Variants in NEMP2 observed in about 807,000 individuals in gnomAD.
NEMP2 encodes nuclear envelope integral membrane protein 2.
Under a neutral mutation model 54.2 loss-of-function variants are expected in NEMP2, and 53 were observed. The observed-to-expected ratio is 0.98, with a 90% CI of 0.78 to 1.23. NEMP2 has a LOEUF of 1.23. NEMP2 is among the 50% of genes most tolerant of loss of function. The pLI is 0.00. For missense variants in NEMP2, 455 were observed against 511.3 expected, an observed-to-expected ratio of 0.89 and a Z score of 1.06; for synonymous variants, 197 against 190.3, an observed-to-expected ratio of 1.04 and a Z score of -0.29.
Position 190,534,663 on chromosome 2 carries a change from G to A in NEMP2, c.-8C>T. ...CCCTTGGCGCGGCCCCATTTCGTTAGGGGTCAGCTCCGTGCGACCCGAGCC... is the reference window on the plus strand; with the variant it reads ...CCCTTGGCGCGGCCCCATTTCGTTAAGGGTCAGCTCCGTGCGACCCGAGCC... On this transcript the variant is annotated 5_prime_UTR_variant, in exon 1 of 9. Coordinates refer to ENST00000409150, the MANE Select transcript of NEMP2 (RefSeq NM_001142645.2). The A allele has an allele frequency of 1.5e-6, 2 of 1,310,642 alleles. No individual in the cohort carries two copies. The highest frequency in any genetic ancestry group is 1.9e-6 in the Non-Finnish European group (2 of 1,032,592). 81.2% of individuals were successfully genotyped at this position (1,310,642 alleles called of 1,614,324 possible).
the NEMP2 span, among the ~76,000 whole-genome samples, chr2:190,645,009 AAAATTATGAACAC>A: frequency 1.3e-5 from 2 of 152,236 alleles, no homozygotes; most frequent in Admixed American, 1.3e-4. Flanking sequence ...AACACGGATT[AAAATTATGAACAC>A]GCCTGTAAAA....
At chr2:190,596,149 C>T in the NEMP2 span, among the ~76,000 whole-genome samples, 1 of 152,000 alleles carries the variant, frequency 6.6e-6, no homozygotes, top group Non-Finnish European at 1.5e-5. This position sits in a 1 kb window ranked among gnomAD's most constrained non-coding sequence, Gnocchi z 5.1. Context: ...TGACACAGGA[C>T]AAGAAAACCA....
chr2:190,608,874 TA>T, the NEMP2 span: 1 of 152,166 alleles, frequency 6.6e-6, no homozygotes, highest in Non-Finnish European at 1.5e-5. The surrounding 1 kb of genome is among the most constrained non-coding windows in gnomAD (Gnocchi z 4.9). Flanking sequence ...TGAACCTTAT[TA>T]AAAAAATTTT....
At chr2:190,554,366 G>A in the NEMP2 span, among the ~76,000 whole-genome samples, 2 of 152,174 alleles carry the variant, frequency 1.3e-5, no homozygotes, top group African/African-American at 4.8e-5. This position sits in a 1 kb window ranked among gnomAD's most constrained non-coding sequence, Gnocchi z 5.7. Context: ...GGCTCTGCAG[G>A]TCCCACCCCC....
the NEMP2 span, among the ~76,000 whole-genome samples, chr2:190,483,984 T>A: frequency 6.6e-6 from 1 of 152,146 alleles, no homozygotes; most frequent in African/African-American, 2.4e-5. Flanking sequence ...TTACTGTGCC[T>A]CAAAGCCAAT....
the NEMP2 span, among the ~76,000 whole-genome samples, chr2:190,586,375 T>C: frequency 6.6e-6 from 1 of 152,176 alleles, no homozygotes; most frequent in African/African-American, 2.4e-5. The surrounding 1 kb of genome is among the most constrained non-coding windows in gnomAD (Gnocchi z 4.5). Context: ...TTGTAAACAT[T>C]TGCAAGACCT....
chr2:190,525,120 G>A lies in NEMP2; in HGVS notation c.213+143C>T. ...CTGCTCACCCATTGAACCACTGTGT[G>A]TGATCCTCAAGTCAGCTTTCATAGT... On this transcript the variant is annotated intron_variant, in intron 2 of 8. Transcript: ENST00000409150. This position sits in a 1 kb window ranked among gnomAD's most constrained non-coding sequence, Gnocchi z 5.0. The A allele has an allele frequency of 3.6e-6, 2 of 549,476 alleles. No individual in the cohort carries two copies. The highest frequency in any genetic ancestry group is 3.3e-5 in the Admixed American group (1 of 30,426). 34.0% of individuals were successfully genotyped at this position (549,476 alleles called of 1,614,324 possible).
chr2:190,455,023 G>C, the NEMP2 span, among the ~76,000 whole-genome samples: 1 of 139,824 alleles, frequency 7.2e-6, no homozygotes, highest in Non-Finnish European at 1.5e-5. Flanking sequence ...ATGTATATGT[G>C]TGTTGGTAAG....
At chr2:190,532,306 A>T (rs1028313906) in intron 1 of NEMP2, among the ~76,000 whole-genome samples, 1 of 152,246 alleles carries the variant, frequency 6.6e-6, no homozygotes, top group Non-Finnish European at 1.5e-5. Flanking sequence ...TTTCTCCAAG[A>T]ATATGAGAAT....
At chr2:190,619,325 C>T in the NEMP2 span, among the ~76,000 whole-genome samples, 1 of 149,722 alleles carries the variant, frequency 6.7e-6, no homozygotes, top group South Asian at 2.1e-4. The surrounding 1 kb of genome is among the most constrained non-coding windows in gnomAD (Gnocchi z 5.5). Flanking sequence ...TATGGAGACA[C>T]CTGTCTCCAC....
the NEMP2 span, chr2:190,641,134 T>TTC: frequency 0.072 from 10,932 of 152,246 alleles, 600 homozygotes; most frequent in African/African-American, 0.14. Flanking sequence ...CCATTTTTTT[T>TTC]AGGGGAGCCC....
At position 190,510,593 on chromosome 2, in the gene NEMP2, CA is replaced by C; in HGVS notation, c.954-57del. On this transcript the variant is annotated intron_variant, in intron 7 of 8. Transcript: ENST00000409150. This position sits in a 1 kb window ranked among gnomAD's most constrained non-coding sequence, Gnocchi z 5.7. ...TTCCTAATTCAATCCTTAAGATTTA[CA>C]AAAATAGGCCAGGCTCGGTGGCTCA... 1.3e-6 allele frequency: 2 copies of C among 1,536,408 alleles called. No homozygotes were observed. The highest frequency in any genetic ancestry group is 1.8e-6 in the Non-Finnish European group (2 of 1,134,672).
the NEMP2 span, among the ~76,000 whole-genome samples, chr2:190,491,946 T>C: frequency 6.6e-6 from 1 of 152,154 alleles, no homozygotes; most frequent in Admixed American, 6.5e-5. This position sits in a 1 kb window ranked among gnomAD's most constrained non-coding sequence, Gnocchi z 4.2. Flanking sequence ...TTCAATGAGA[T>C]AGATAGCATA....
At chr2:190,439,967 TG>T in the NEMP2 span, among the ~76,000 whole-genome samples, 38 of 152,348 alleles carry the variant, frequency 2.5e-4, no homozygotes, top group African/African-American at 8.9e-4. This position sits in a 1 kb window ranked among gnomAD's most constrained non-coding sequence, Gnocchi z 5.8. Context: ...AACTTTCCAC[TG>T]GAAGAATACC....
rs1217993664 is a variant in NEMP2 at position 190,523,792 on chromosome 2, A to C, written c.213+1471T>G. Reference sequence around the variant, plus strand: ...AATTTGAGTATCAAAATAAATAATGAGAGTAATGGATTGTAGTTTCCTGAA... The same window carrying C: ...AATTTGAGTATCAAAATAAATAATGCGAGTAATGGATTGTAGTTTCCTGAA... On this transcript the variant is annotated intron_variant, in intron 2 of 8. Transcript: ENST00000409150. The surrounding 1 kb of genome is among the most constrained non-coding windows in gnomAD (Gnocchi z 5.3). 2.0e-5 allele frequency among the ~76,000 whole-genome samples: 3 copies of C among 152,176 alleles called. No homozygotes were observed. Among genetic ancestry groups the C allele is most frequent in the Admixed American group, 2.0e-4 (3 of 15,280 alleles).
intron 1 of NEMP2, chr2:190,534,353 C>A: frequency 8.3e-7 from 1 of 1,202,332 alleles, no homozygotes; most frequent in Middle Eastern, 3.3e-4. Context: ...ACAAAATGTC[C>A]AACTGCCAGG....
the NEMP2 span, among the ~76,000 whole-genome samples, chr2:190,467,638 G>A: frequency 2.0e-5 from 3 of 152,064 alleles, no homozygotes; most frequent in African/African-American, 7.2e-5. The surrounding 1 kb of genome is among the most constrained non-coding windows in gnomAD (Gnocchi z 5.5). Context: ...ATTAAGGAGC[G>A]AGGCCAGGTC....
At chr2:190,550,399 C>CT in the NEMP2 span, among the ~76,000 whole-genome samples, 1 of 152,120 alleles carries the variant, frequency 6.6e-6, no homozygotes, top group African/African-American at 2.4e-5. This position sits in a 1 kb window ranked among gnomAD's most constrained non-coding sequence, Gnocchi z 4.7. Flanking sequence ...CTCTCACAAC[C>CT]TAATCCCCCG....
chr2:190,499,410 TG>T (rs1689905104), downstream of NEMP2, among the ~76,000 whole-genome samples: 1 of 152,234 alleles, frequency 6.6e-6, no homozygotes, highest in Non-Finnish European at 1.5e-5. This position sits in a 1 kb window ranked among gnomAD's most constrained non-coding sequence, Gnocchi z 6.0. Context: ...CTGCTGGTGA[TG>T]TTCTACTCAT....
Sources: allele counts gnomAD v4.1 joint callset (sites outside exome capture counted in the v4.1 genomes callset), GRCh38; gene constraint gnomAD v4.1.1; non-coding constraint Gnocchi (gnomAD v3.1); transcripts MANE v1.5; gene names NCBI Gene and HGNC (gene_info 2026-07-23, HGNC 2026-07-21).